The following IFT57 variants were observed in gnomAD, a reference collection of about 807,000 sequenced individuals.
The protein encoded by IFT57 is intraflagellar transport protein 57 homolog.
In IFT57, 59 loss-of-function variants were observed where a neutral mutation model predicts 56.8. The observed-to-expected ratio is 1.04, with a 90% confidence interval of 0.84 to 1.29. The LOEUF is 1.29. IFT57 is among the 50% of genes most tolerant of loss of function. The pLI is 0.00. For missense variants in IFT57, 470 were observed against 522.1 expected (o/e 0.90, Z 0.97); for synonymous variants, 209 against 186.1 (o/e 1.12, Z -1.00).
intron 6 of IFT57, among the ~76,000 whole-genome samples, chr3:108,178,782 A>G (rs1030143844): frequency 6.6e-6 from 1 of 151,908 alleles, no homozygotes; most frequent in Non-Finnish European, 1.5e-5. Context: ...AACTTCACAC[A>G]GTGCTGGCAG....
rs1350202931 is a variant in IFT57, at chr3:108,199,692, T to C, written c.654+6936A>G. Among the ~76,000 whole-genome samples, 4 of 152,348 alleles carry C rather than the reference T, an allele frequency of 2.6e-5. No individual in the cohort carries two copies. The East Asian group carries it at 5.8e-4, about 22-fold the overall frequency. On this transcript the variant is annotated intron_variant, in intron 5 of 10. Transcript: ENST00000264538. ...TACTTAGTGCCCACTATGTTCCACA[T>C]ACTGTTACAGTCCAGGAATAGTGAC... is the stretch of plus-strand genomic sequence containing the variant.
In IFT57 at chr3:108,189,447, C is replaced by T. The variant is rs189898888; in HGVS notation, c.777+2074G>A. ...AGCTTCTAAGGCATTCTGAAAACAG[C>T]AATGTTTGTAAGATTTTTTGGTTTT... is the stretch of plus-strand genomic sequence containing the variant. On this transcript the variant is annotated intron_variant, in intron 6 of 10. Coordinates refer to ENST00000264538, the MANE Select transcript of IFT57 (RefSeq NM_018010.4). Among the ~76,000 whole-genome samples the T allele has an allele frequency of 9.5e-4, 145 of 152,256 alleles. 1 individual carries two copies. The highest frequency in any genetic ancestry group is 3.4e-3 in the African/African-American group (143 of 41,546).
chr3:108,213,608 TTC>T (rs1460660679), intron 4 of IFT57, among the ~76,000 whole-genome samples: 2 of 152,242 alleles, frequency 1.3e-5, no homozygotes, highest in Non-Finnish European at 1.5e-5. Context: ...AATTCTTTTG[TTC>T]TGTTTTAAAT....
chr3:108,205,252 G>C (rs910674204), intron 5 of IFT57, among the ~76,000 whole-genome samples: 1 of 152,044 alleles, frequency 6.6e-6, no homozygotes, highest in Non-Finnish European at 1.5e-5. Flanking sequence ...TTTACATGTA[G>C]TAACTCCTTT....
At chr3:108,165,903 A>G (rs2080059881) in intron 8 of IFT57, among the ~76,000 whole-genome samples, 1 of 152,052 alleles carries the variant, frequency 6.6e-6, no homozygotes, top group Admixed American at 6.6e-5. Context: ...AAGGATTAAC[A>G]TCCCGTAAGA....
intron 5 of IFT57, among the ~76,000 whole-genome samples, chr3:108,198,775 T>G (rs563627330): frequency 6.6e-6 from 1 of 152,250 alleles, no homozygotes; most frequent in East Asian, 1.9e-4. Context: ...CCTTATTATT[T>G]GTTATTGTGA....
chr3:108,221,823 T>G (rs2080407463), intron 1 of IFT57, among the ~76,000 whole-genome samples: 1 of 152,204 alleles, frequency 6.6e-6, no homozygotes, highest in Admixed American at 6.5e-5. Flanking sequence ...AAATATAGTT[T>G]GTGTTTTCTG....
intron 3 of IFT57, among the ~76,000 whole-genome samples, chr3:108,215,577 C>CA (rs1350429946): frequency 3.9e-5 from 6 of 151,926 alleles, no homozygotes; most frequent in African/African-American, 1.5e-4. Flanking sequence ...TAAAAAAATA[C>CA]AAAAATCAAC....
At chr3:108,185,182 G>A (rs1362975354) in intron 6 of IFT57, among the ~76,000 whole-genome samples, 1 of 152,080 alleles carries the variant, frequency 6.6e-6, no homozygotes, top group East Asian at 1.9e-4. Context: ...GCTTTTATGT[G>A]GGTGTAGGAT....
intron 6 of IFT57, among the ~76,000 whole-genome samples, chr3:108,171,703 T>C (rs1181128150): frequency 1.3e-5 from 2 of 151,772 alleles, no homozygotes; most frequent in Non-Finnish European, 1.5e-5. Flanking sequence ...GGACCAAATA[T>C]GGTTGAGCCT....
intron 6 of IFT57, among the ~76,000 whole-genome samples, chr3:108,169,477 C>T (rs1192238222): frequency 1.3e-5 from 2 of 151,986 alleles, no homozygotes; most frequent in Non-Finnish European, 2.9e-5. Context: ...TGTGCAGAAG[C>T]TCTTTAGTTT....
At position 108,214,016 on chromosome 3, in the gene IFT57, A is replaced by G; in HGVS notation, c.500T>C (p.Ile167Thr). Residue 167 changes from isoleucine (I) to threonine (T), a missense_variant, in exon 4 of 11, where the codon ATA (isoleucine) becomes ACA (threonine). Transcript: ENST00000264538. ...KYIGFTWKRP[I>T]YPVEELEEES... ...TTCTTCTAATTCTTCTACTGGGTAT[A>G]TTGGCCTAAAATAATAAGATTAAAC... 2 of 1,578,762 alleles carry G rather than the reference A, an allele frequency of 1.3e-6. No homozygotes were observed. Among genetic ancestry groups the G allele is most frequent in the East Asian group, 4.5e-5 (2 of 44,588 alleles).
At chr3:108,202,944 C>T (rs184230771) in intron 5 of IFT57, among the ~76,000 whole-genome samples, 119 of 152,288 alleles carry the variant, frequency 7.8e-4, no homozygotes, top group Non-Finnish European at 3.7e-4. Flanking sequence ...AAAATTTAGT[C>T]AATGGGCAGA....
chr3:108,217,624 T>C (rs2080379734), intron 3 of IFT57, among the ~76,000 whole-genome samples: 1 of 151,704 alleles, frequency 6.6e-6, no homozygotes, highest in African/African-American at 2.4e-5. Context: ...AGATTATATC[T>C]AAAAGAATAT....
intron 6 of IFT57, among the ~76,000 whole-genome samples, chr3:108,186,628 G>A (rs1266050105): frequency 6.6e-6 from 1 of 152,034 alleles, no homozygotes; most frequent in African/African-American, 2.4e-5. Flanking sequence ...ATACAGAAAC[G>A]TTTTTAAAGA....
intron 9 of IFT57, among the ~76,000 whole-genome samples, chr3:108,164,683 C>G (rs13325340): frequency 0.096 from 14,641 of 152,112 alleles, 765 homozygotes; most frequent in Middle Eastern, 0.12. Flanking sequence ...CACAGGATTA[C>G]AGTCTAAATA....
intron 4 of IFT57, among the ~76,000 whole-genome samples, chr3:108,212,138 A>G (rs1298049730): frequency 6.6e-6 from 1 of 152,008 alleles, no homozygotes; most frequent in Admixed American, 6.6e-5. Flanking sequence ...ATGCACCACC[A>G]TGCCTGGCAT....
Position 108,162,658 on chromosome 3 carries a change from G to A in IFT57, c.1112-3C>T. ...CTGTTTAATCTTCACCAAAGGAGCT[G>A]CAGAATGAAAATAACATGAAATAAA... On this transcript the variant is annotated splice_region_variant and splice_polypyrimidine_tract_variant and intron_variant, in intron 10 of 10. Transcript: ENST00000264538. The A allele has an allele frequency of 2.5e-6, 4 of 1,580,872 alleles. No homozygotes were observed. Among genetic ancestry groups the A allele is most frequent in the Non-Finnish European group, 3.4e-6 (4 of 1,160,940 alleles).
At chr3:108,171,514 GATC>G (rs1257104153) in intron 6 of IFT57, among the ~76,000 whole-genome samples, 1 of 151,830 alleles carries the variant, frequency 6.6e-6, no homozygotes, top group South Asian at 2.1e-4. Context: ...GAACCTTAGA[GATC>G]ATCTATCCAT....
Sources: allele counts gnomAD v4.1 joint callset (sites outside exome capture counted in the v4.1 genomes callset), GRCh38; gene constraint gnomAD v4.1.1; transcripts MANE v1.5; gene names NCBI Gene and HGNC (gene_info 2026-07-23, HGNC 2026-07-21).